The following LRRK1 variants were observed in gnomAD, a reference collection of about 807,000 sequenced individuals.
The protein encoded by LRRK1 is leucine rich repeat kinase 1.
Under a neutral mutation model 209.1 loss-of-function variants are expected in LRRK1, and 113 were observed. The ratio of observed to expected loss-of-function variants is 0.54; its 90% CI spans 0.46 to 0.63. The LOEUF (loss-of-function observed/expected upper bound fraction) is 0.63. LRRK1 is among the 30% of genes least tolerant of loss of function. The pLI is 0.00. For missense variants in LRRK1, 2,284 were observed against 2,632.2 expected, an observed-to-expected ratio of 0.87 and a Z score of 2.89; for synonymous variants, 1,144 against 1,099.7, an observed-to-expected ratio of 1.04 and a Z score of -0.80.
In LRRK1 at chr15:101,024,836, G is replaced by C; in HGVS notation, c.2101G>C (p.Gly701Arg). 6.2e-7 allele frequency: 1 copy of C among 1,613,954 alleles called. No homozygotes were observed. Among genetic ancestry groups the C allele is most frequent in the Non-Finnish European group, 8.5e-7 (1 of 1,179,870 alleles). Residue 701 changes from glycine (G) to arginine (R), a missense_variant, in exon 16 of 34, where the codon GGG becomes CGG. Gly to Arg is a moderately radical substitution (Grantham distance 125). Transcript: ENST00000388948. This position sits in a 1 kb window ranked among gnomAD's most constrained non-coding sequence, Gnocchi z 4.6. Reference protein sequence around the residue: ...ESVEFNVWDIGGPASMATVNQ... With the variant: ...ESVEFNVWDIRGPASMATVNQ... ...CGTGGAGTTCAACGTCTGGGACATC[G>C]GGGGACCGGCCAGCATGGCCACTGT...
intron 2 of LRRK1, among the ~76,000 whole-genome samples, chr15:100,969,560 G>A (rs1452122795): frequency 6.6e-6 from 1 of 151,922 alleles, no homozygotes; most frequent in Non-Finnish European, 1.5e-5. Flanking sequence ...AGGTAAACAT[G>A]TGCCATGGGG....
intron 2 of LRRK1, among the ~76,000 whole-genome samples, chr15:100,956,455 C>CTTTTCTTTTTTTTTTTTTTT (rs2042760510): frequency 3.3e-5 from 2 of 60,530 alleles, no homozygotes; most frequent in African/African-American, 1.7e-4. Context: ...TTTTTTTTTT[C>CTTTTCTTTTTTTTTTTTTTT]TTTTTTTTTT....
Position 101,051,807 on chromosome 15 carries a change from G to T in LRRK1, c.3536G>T (p.Ser1179Ile). The change falls in exon 24 of 34, where the codon AGT (serine) becomes ATT (isoleucine). Residue 1179 changes from serine (S) to isoleucine (I), a missense_variant. Physicochemically the swap from Ser to Ile is moderately radical, Grantham distance 142 (BLOSUM62 -2). Transcript: ENST00000388948. ...GCCTGGGCCCAGCACACGGACCCCA[G>T]TGAGAAATCAGAGGATGTGCAGTAC... The part of the protein sequence containing the change: ...ETAWAQHTDP[S>I]EKSEDVQYFD... 6.2e-7 allele frequency: 1 copy of T among 1,614,154 alleles called. No homozygotes were observed.
chr15:101,007,938 G>T (rs1296715373), intron 6 of LRRK1, among the ~76,000 whole-genome samples: 3 of 151,974 alleles, frequency 2.0e-5, no homozygotes, highest in Admixed American at 6.6e-5. Flanking sequence ...ATTGCCCGAG[G>T]TCAGGAGTTT....
At position 101,074,475 on chromosome 15, in the gene LRRK1, C is replaced by T. The variant is rs2036912321; in HGVS notation, c.*5627C>T. ...TTTTTCATCAAATATAAAAACCCAG[C>T]CCAGTTCATGCCTCGTTTGGCAGCA... is the stretch of plus-strand genomic sequence containing the variant. On this transcript the variant is annotated 3_prime_UTR_variant, in exon 34 of 34. Transcript: ENST00000388948. 6.6e-6 allele frequency: 1 copy of T among 152,200 alleles called. No individual in the cohort carries two copies. Among genetic ancestry groups the T allele is most frequent in the Non-Finnish European group, 1.5e-5 (1 of 68,038 alleles). 9.4% of individuals were successfully genotyped at this position (152,200 alleles called of 1,614,324 possible). A position where few individuals can be genotyped will look rare whatever the true frequency, so the allele number is the denominator to read the frequency against.
chr15:100,953,315 A>G (rs1021796297), intron 2 of LRRK1, among the ~76,000 whole-genome samples: 4 of 152,088 alleles, frequency 2.6e-5, no homozygotes, highest in Non-Finnish European at 5.9e-5. Context: ...GGCAACCACC[A>G]TTCACTCTCG....
intron 21 of LRRK1, 111 bp downstream of exon 21, chr15:101,046,263 C>G: frequency 8.3e-7 from 1 of 1,201,222 alleles, no homozygotes. Context: ...AGACCCTTCT[C>G]CTAGAGCCAT....
chr15:100,927,101 A>C (rs1453253611), intron 2 of LRRK1, among the ~76,000 whole-genome samples: 1 of 152,168 alleles, frequency 6.6e-6, no homozygotes, highest in Non-Finnish European at 1.5e-5. Context: ...TATCAGGTGC[A>C]CATGTCCCCT....
rs770108501 is a variant in LRRK1, at chr15:101,015,340, T to C, written c.1547T>C (p.Leu516Pro). 10 of 1,613,876 alleles carry C rather than the reference T, an allele frequency of 6.2e-6. No homozygotes were observed. In the Admixed American group the frequency reaches 1.7e-4, roughly 27 times the overall value. ...RNQLGKNEDG[L>P]KTKRIAFFTT... is the part of the protein sequence containing the mutation. Reference sequence around the variant, plus strand: ...CCTCCCCCCAGAAATGAAGATGGACTGAAAACGAAGCGTATTGCCTTTTTC... The same window carrying C: ...CCTCCCCCCAGAAATGAAGATGGACCGAAAACGAAGCGTATTGCCTTTTTC... Residue 516 changes from leucine (L) to proline (P), a missense_variant, in exon 12 of 34, where the codon CTG (leucine) becomes CCG (proline). Physicochemically the swap from Leu to Pro is moderately conservative, Grantham distance 98. This residue lies in a region of LRRK1 where 494 missense variants were observed against 522.1 expected (regional missense o/e 0.95). Coordinates refer to ENST00000388948, the MANE Select transcript of LRRK1 (RefSeq NM_024652.6).
chr15:101,009,671 T>A (rs907732636), intron 7 of LRRK1, among the ~76,000 whole-genome samples: 2 of 152,196 alleles, frequency 1.3e-5, no homozygotes, highest in Non-Finnish European at 2.9e-5. Flanking sequence ...CATGGCAACC[T>A]GCAACTCCCT....
At chr15:100,934,901 C>T (rs991750439) in intron 2 of LRRK1, among the ~76,000 whole-genome samples, 1 of 151,630 alleles carries the variant, frequency 6.6e-6, no homozygotes, top group Non-Finnish European at 1.5e-5. Flanking sequence ...CACAGTGTGG[C>T]CATTTTGATT....
chr15:101,065,755 C>T lies in LRRK1; in HGVS notation c.5318C>T (p.Ala1773Val), dbSNP rs2036494044. ...MYHSTTYQLC[A>V]RYFCGVPSPL... ...CACTCCACCACCTACCAGCTGTGTG[C>T]CCGGTACTTCTGCGGGGTCCCCAGC... The change falls in exon 32 of 34, where the codon GCC becomes GTC. Residue 1773 changes from alanine (A) to valine (V), a missense_variant. Physicochemically the swap from Ala to Val is moderately conservative, Grantham distance 64 (BLOSUM62 0). Transcript: ENST00000388948. The T allele has an allele frequency of 6.2e-7, 1 of 1,613,992 alleles. No individual in the cohort carries two copies. Among genetic ancestry groups the T allele is most frequent in the Admixed American group, 1.7e-5 (1 of 60,006 alleles).
chr15:100,935,261 T>C (rs11858394), intron 2 of LRRK1, among the ~76,000 whole-genome samples: 21,317 of 152,208 alleles, frequency 0.14, 1,764 homozygotes, highest in South Asian at 0.26. Context: ...AGGGCACTAC[T>C]GCTGGTCAGA....
Position 101,068,658 on chromosome 15 carries a change from C to G in LRRK1, c.5871-13C>G. 2 of 1,565,598 alleles carry G rather than the reference C, an allele frequency of 1.3e-6. No homozygotes were observed. Among genetic ancestry groups the G allele is most frequent in the East Asian group, 4.6e-5 (2 of 43,918 alleles). ...ACCCCTGTGAGTTTCCTCAGACCCC[C>G]TTCTCTCTGCAGGGTGCTGGTGGAT... On this transcript the variant is annotated splice_polypyrimidine_tract_variant and intron_variant, in intron 33 of 33. Transcript: ENST00000388948.
intron 12 of LRRK1, among the ~76,000 whole-genome samples, chr15:101,016,669 T>G (rs1331164875): frequency 8.5e-5 from 13 of 152,220 alleles, no homozygotes; most frequent in Admixed American, 8.5e-4. Context: ...ACTGACTGAT[T>G]TGTCCCAGGT....
At chr15:100,997,292 C>T (rs1046050171) in intron 6 of LRRK1, among the ~76,000 whole-genome samples, 1 of 152,038 alleles carries the variant, frequency 6.6e-6, no homozygotes, top group Non-Finnish European at 1.5e-5. Context: ...AAATAACTGA[C>T]AAACACTTAA....
intron 3 of LRRK1, among the ~76,000 whole-genome samples, chr15:100,980,302 G>A (rs994422743): frequency 6.7e-6 from 1 of 149,906 alleles, no homozygotes; most frequent in African/African-American, 2.5e-5. Flanking sequence ...AAAAAAAAAA[G>A]CCAATCTCAA....
chr15:101,007,349 T>C (rs1416614795), intron 6 of LRRK1, among the ~76,000 whole-genome samples: 1 of 152,138 alleles, frequency 6.6e-6, no homozygotes, highest in Admixed American at 6.5e-5. Context: ...GCAGATTTCT[T>C]CTCCCCAGAA....
intron 12 of LRRK1, among the ~76,000 whole-genome samples, chr15:101,017,774 TTATGTAA>T (rs1355239938): frequency 6.6e-6 from 1 of 152,110 alleles, no homozygotes; most frequent in Non-Finnish European, 1.5e-5. Context: ...GGGACTGTTA[TTATGTAA>T]TATATGACAA....
Sources: allele counts gnomAD v4.1 joint callset (sites outside exome capture counted in the v4.1 genomes callset), GRCh38; gene constraint gnomAD v4.1.1; regional missense constraint gnomAD v4.1.1; non-coding constraint Gnocchi (gnomAD v3.1); transcripts MANE v1.5; gene names NCBI Gene and HGNC (gene_info 2026-07-23, HGNC 2026-07-21).